Variants in UNC5C observed in about 807,000 individuals in gnomAD.
UNC5C encodes netrin receptor UNC5C.
UNC5C carries 47 observed loss-of-function variants against 99.8 expected under a neutral mutation model. The observed-to-expected ratio is 0.47, with a 90% CI of 0.37 to 0.60. The LOEUF is 0.60. Ranked by LOEUF, UNC5C falls within the 20% of genes least tolerant of loss-of-function variation. The pLI is 0.00. For synonymous variants in UNC5C, 487 were observed against 452.2 expected (o/e 1.08, Z -0.98); for missense variants, 1,062 against 1,165.9 (o/e 0.91, Z 1.30).
At chr4:95,502,349 G>T (rs79957447) in intron 1 of UNC5C, among the ~76,000 whole-genome samples, 10,463 of 152,030 alleles carry the variant, frequency 0.069, 446 homozygotes, top group Non-Finnish European at 0.1. Flanking sequence ...GCTCTCTGCC[G>T]CCTTGAACTC....
intron 7 of UNC5C, among the ~76,000 whole-genome samples, chr4:95,238,164 G>A (rs1739193592): frequency 6.6e-6 from 1 of 151,990 alleles, no homozygotes; most frequent in South Asian, 2.1e-4. Flanking sequence ...GAATAAAACT[G>A]AGTTTTTTTC....
chr4:95,328,040 C>CATT (rs1553963772), intron 2 of UNC5C, among the ~76,000 whole-genome samples: 1 of 87,092 alleles, frequency 1.1e-5, no homozygotes, highest in African/African-American at 4.0e-5. Context: ...CAGGCAACTT[C>CATT]TTTTTTTTTT....
chr4:95,209,976 A>G (rs1349098746), intron 10 of UNC5C, among the ~76,000 whole-genome samples: 1 of 152,122 alleles, frequency 6.6e-6, no homozygotes, highest in Non-Finnish European at 1.5e-5. Flanking sequence ...TCTTTGCAAT[A>G]TAGTTGGGGA....
intron 3 of UNC5C, among the ~76,000 whole-genome samples, chr4:95,280,660 G>T (rs949021521): frequency 6.6e-6 from 1 of 151,676 alleles, no homozygotes; most frequent in Non-Finnish European, 1.5e-5. Context: ...CTGTACTCCA[G>T]CCTGGGTGAA....
At chr4:95,500,867 A>C (rs964649136) in intron 1 of UNC5C, among the ~76,000 whole-genome samples, 1 of 152,230 alleles carries the variant, frequency 6.6e-6, no homozygotes, top group South Asian at 2.1e-4. Context: ...GATTGGGTTT[A>C]TGTACAAATA....
intron 1 of UNC5C, among the ~76,000 whole-genome samples, chr4:95,356,212 A>C (rs1485675100): frequency 2.6e-5 from 2 of 77,320 alleles, no homozygotes; most frequent in South Asian, 4.1e-4. Flanking sequence ...AAAAAAAAAA[A>C]CAAAACAAAA....
chr4:95,383,768 C>G (rs72874474), intron 1 of UNC5C, among the ~76,000 whole-genome samples: 7,196 of 152,128 alleles, frequency 0.047, 515 homozygotes, highest in Admixed American at 0.16. Flanking sequence ...AAATTGACAT[C>G]CATATTTGCT....
Position 95,413,555 on chromosome 4 carries a change from C to T in UNC5C, c.125-77924G>A, listed in dbSNP as rs142343143. 3.4e-3 allele frequency among the ~76,000 whole-genome samples: 521 copies of T among 152,230 alleles called. 1 individual carries two copies. Among genetic ancestry groups the T allele is most frequent in the Non-Finnish European group, 5.9e-3 (402 of 68,020 alleles). The stretch of plus-strand genomic sequence containing the variant: ...CCTTTGCACTTTATTGAATATAATA[C>T]GATTCAGAATAATCAACTGAATTCA... On this transcript the variant is annotated intron_variant, in intron 1 of 15. Transcript: ENST00000453304.
intron 1 of UNC5C, among the ~76,000 whole-genome samples, chr4:95,354,468 C>A (rs1243600635): frequency 3.1e-5 from 3 of 98,218 alleles, no homozygotes; most frequent in Admixed American, 3.0e-4. Flanking sequence ...CTAACTCTTC[C>A]ATATATATAT....
At chr4:95,382,962 C>A (rs1181434065) in intron 1 of UNC5C, among the ~76,000 whole-genome samples, 1 of 152,116 alleles carries the variant, frequency 6.6e-6, no homozygotes. Context: ...TTTGGGGTAT[C>A]AAAATCTGAT....
At chr4:95,339,332 T>C (rs556783626) in intron 1 of UNC5C, among the ~76,000 whole-genome samples, 1 of 152,168 alleles carries the variant, frequency 6.6e-6, no homozygotes, top group East Asian at 1.9e-4. Flanking sequence ...GCTAAAATTT[T>C]TACTTTTTCA....
rs776961360 is a variant in UNC5C, at chr4:95,185,114, T to G, written c.2219A>C (p.Asn740Thr). 76 of 1,613,966 alleles carry G rather than the reference T, an allele frequency of 4.7e-5. No individual in the cohort carries two copies. Among genetic ancestry groups the G allele is most frequent in the Non-Finnish European group, 5.9e-5 (70 of 1,180,044 alleles). The change falls in exon 13 of 16, where the codon AAC (asparagine) becomes ACC (threonine). Residue 740 changes from asparagine (N) to threonine (T), a missense_variant. Coordinates refer to ENST00000453304, the MANE Select transcript of UNC5C (RefSeq NM_003728.4). ...KALHFKGSTHNLRLSIHDIAH... is the reference protein window; with the variant it reads ...KALHFKGSTHTLRLSIHDIAH... ...GATATCGTGAATTGACAGGCGCAGGTTGTGGGTGCTGCCTTTAAAATGAAG... is the reference window on the plus strand; with the variant it reads ...GATATCGTGAATTGACAGGCGCAGGGTGTGGGTGCTGCCTTTAAAATGAAG...
rs566764668 is a variant in UNC5C at position 95,445,203 on chromosome 4, A to G, written c.124+103531T>C. Among the ~76,000 whole-genome samples, 6 of 152,334 alleles carry G rather than the reference A, an allele frequency of 3.9e-5. No homozygotes were observed. In the East Asian group the frequency reaches 1.2e-3, roughly 29 times the overall value. On this transcript the variant is annotated intron_variant, in intron 1 of 15. Coordinates refer to ENST00000453304, the MANE Select transcript of UNC5C (RefSeq NM_003728.4). ...ATTTTCAGGGGATGATTTGTAAATT[A>G]AATTACTAAGGTTTATTTTGTCCTT...
intron 1 of UNC5C, among the ~76,000 whole-genome samples, chr4:95,454,913 G>C (rs1747386195): frequency 1.3e-5 from 2 of 151,932 alleles, no homozygotes; most frequent in African/African-American, 4.8e-5. Flanking sequence ...AATTAAGTTA[G>C]ATTATAAAAA....
intron 14 of UNC5C, among the ~76,000 whole-genome samples, chr4:95,176,356 T>C (rs1579199466): frequency 6.6e-6 from 1 of 152,092 alleles, no homozygotes; most frequent in African/African-American, 2.4e-5. Context: ...GCTCTGTTTT[T>C]TCCCCATCTT....
At chr4:95,408,681 T>C (rs1163608216) in intron 1 of UNC5C, among the ~76,000 whole-genome samples, 1 of 152,204 alleles carries the variant, frequency 6.6e-6, no homozygotes, top group African/African-American at 2.4e-5. Flanking sequence ...CTTAGGGCAC[T>C]GAAATATTTC....
At chr4:95,321,518 A>G (rs1448597303) in intron 2 of UNC5C, among the ~76,000 whole-genome samples, 2 of 152,198 alleles carry the variant, frequency 1.3e-5, no homozygotes, top group African/African-American at 4.8e-5. Context: ...TGTTTTTGTA[A>G]TTGCAGCTGA....
intron 1 of UNC5C, among the ~76,000 whole-genome samples, chr4:95,543,905 G>C (rs1215090161): frequency 6.6e-6 from 1 of 152,162 alleles, no homozygotes; most frequent in Non-Finnish European, 1.5e-5. Flanking sequence ...ACTGTACTCT[G>C]TCCAGGAGTT....
chr4:95,465,039 G>T (rs1178321046), intron 1 of UNC5C, among the ~76,000 whole-genome samples: 2 of 152,198 alleles, frequency 1.3e-5, no homozygotes, highest in Non-Finnish European at 2.9e-5. Flanking sequence ...TGTGTCCCCA[G>T]TGATGGTGAG....
Sources: allele counts gnomAD v4.1 joint callset (sites outside exome capture counted in the v4.1 genomes callset), GRCh38; gene constraint gnomAD v4.1.1; transcripts MANE v1.5; gene names NCBI Gene and HGNC (gene_info 2026-07-23, HGNC 2026-07-21).